The following ALOX15B variants were observed in gnomAD, a reference collection of about 807,000 sequenced individuals.
ALOX15B encodes the protein polyunsaturated fatty acid lipoxygenase ALOX15B.
In ALOX15B, 74 loss-of-function variants were observed where a neutral mutation model predicts 73.8. The observed-to-expected ratio is 1.00, with a 90% CI of 0.83 to 1.22. ALOX15B has a LOEUF of 1.22. ALOX15B is among the 50% of genes most tolerant of loss of function. The pLI, the probability that ALOX15B is intolerant of heterozygous loss-of-function variation, is 0.00. For missense variants in ALOX15B, 896 were observed against 859.9 expected (o/e 1.04, Z -0.52); for synonymous variants, 353 against 357.2 (o/e 0.99, Z 0.13).
At chr17:8,042,301 C>T in intron 3 of ALOX15B, 68 bp from the exon 4 acceptor site, 1 of 1,580,388 alleles carries the variant, frequency 6.3e-7, no homozygotes, top group Non-Finnish European at 8.6e-7. Context: ...GGGACTGCCA[C>T]TCCATCTGCC....
intron 8 of ALOX15B, among the ~76,000 whole-genome samples, chr17:8,046,397 CG>C: frequency 6.6e-6 from 1 of 152,268 alleles, no homozygotes; most frequent in African/African-American, 2.4e-5. Context: ...ATGCCAGAGC[CG>C]GAAGACACAG....
At chr17:8,045,056 C>T in intron 6 of ALOX15B, 55 bp downstream of exon 6, 1 of 1,604,628 alleles carries the variant, frequency 6.2e-7, no homozygotes, top group South Asian at 1.1e-5. Flanking sequence ...GCCTTCACAC[C>T]CGTCCCCTAC....
chr17:8,048,516 C>A lies in ALOX15B; in HGVS notation c.1982C>A (p.Pro661His). The A allele has an allele frequency of 1.2e-6, 2 of 1,614,130 alleles. No homozygotes were observed. The highest frequency in any genetic ancestry group is 1.7e-6 in the Non-Finnish European group (2 of 1,180,010). ...GAGCGGAACCAGGGCCTGGTGCTGC[C>A]CTACACCTACCTAGACCCTCCCCTC... ...IQERNQGLVLPYTYLDPPLIE... is the reference protein window; with the variant it reads ...IQERNQGLVLHYTYLDPPLIE... The change falls in exon 14 of 14, where the codon CCC (proline) becomes CAC (histidine). Residue 661 changes from proline (P) to histidine (H), a missense_variant. Physicochemically the swap from Pro to His is moderately conservative, Grantham distance 77. Coordinates refer to ENST00000380183, the MANE Select transcript of ALOX15B (RefSeq NM_001141.3).
chr17:8,046,862 G>A, intron 9 of ALOX15B, 45 bp from the exon 10 acceptor site: 2 of 1,612,062 alleles, frequency 1.2e-6, no homozygotes, highest in Non-Finnish European at 8.5e-7. Flanking sequence ...GCTACCTCCT[G>A]CTTCTGGAGC....
chr17:8,047,054 C>A lies in ALOX15B; in HGVS notation c.1435C>A (p.Gln479Lys). ...CTACTACTACCGTGATGATGGGATG[C>A]AGATCTGGGGTGCAGTGGAACGGTG... ...PGYYYRDDGM[Q>K]IWGAVERFVS... Residue 479 changes from glutamine (Q) to lysine (K), a missense_variant, in exon 10 of 14, where the codon CAG (glutamine) becomes AAG (lysine). Gln to Lys is a moderately conservative substitution (Grantham distance 53, BLOSUM62 1). Transcript: ENST00000380183. The A allele has an allele frequency of 6.2e-7, 1 of 1,613,808 alleles. No individual in the cohort carries two copies. The highest frequency in any genetic ancestry group is 8.5e-7 in the Non-Finnish European group (1 of 1,179,988).
rs1276078456 is a variant in ALOX15B at position 8,045,475 on chromosome 17, C to A, written c.997-8C>A. On this transcript the variant is annotated splice_region_variant and splice_polypyrimidine_tract_variant and intron_variant, in intron 7 of 13. Coordinates refer to ENST00000380183, the MANE Select transcript of ALOX15B (RefSeq NM_001141.3). ...TGGCTGCCTCTCTCCCCACCTGCCT[C>A]CCCCCAGCTCAGCCAGACCCCCGGC... 1.9e-6 allele frequency: 3 copies of A among 1,613,702 alleles called. No homozygotes were observed. The highest frequency in any genetic ancestry group is 2.5e-6 in the Non-Finnish European group (3 of 1,179,966).
At chr17:8,040,116 G>A (rs573802839) in intron 3 of ALOX15B, 133 bp downstream of exon 3, 7 of 808,934 alleles carry the variant, frequency 8.7e-6, no homozygotes, top group East Asian at 5.4e-5. Flanking sequence ...GATCAGCAGC[G>A]TCTACAGGAA....
Position 8,045,584 on chromosome 17 carries a change from C to T in ALOX15B, c.1098C>T (p.Ser366=), listed in dbSNP as rs1290660443. ...AKTWVRNAEF[S]FHEALTHLLH... ...CCTGGGTGCGCAATGCCGAGTTCTC[C>T]TTCCATGAGGCCCTCACGCACCTGC... The change falls in exon 8 of 14, where the codon TCC becomes TCT. Residue 366 remains serine (S), a synonymous_variant. Transcript: ENST00000380183. The T allele has an allele frequency of 6.2e-7, 1 of 1,614,084 alleles. No individual in the cohort carries two copies. The highest frequency in any genetic ancestry group is 1.3e-5 in the African/African-American group (1 of 74,928).
intron 9 of ALOX15B, 23 bp downstream of exon 9, chr17:8,046,777 A>C (rs988254526): frequency 1.9e-6 from 3 of 1,613,064 alleles, no homozygotes; most frequent in Admixed American, 1.7e-5. Context: ...TTGGGGAGGG[A>C]GTAGGCAGGC....
chr17:8,045,652 T>C lies in ALOX15B; in HGVS notation c.1166T>C (p.Leu389Pro). ...CCTGAGGTCTTCACCCTGGCTACCC[T>C]GCGTCAGCTGCCCCACTGCCACCCT... is the stretch of plus-strand genomic sequence containing the variant. ...LLPEVFTLAT[L>P]RQLPHCHPLF... Residue 389 changes from leucine (L) to proline (P), a missense_variant, in exon 8 of 14, where the codon CTG (leucine) becomes CCG (proline). Transcript: ENST00000380183. The C allele has an allele frequency of 6.2e-7, 1 of 1,614,096 alleles. No homozygotes were observed. The highest frequency in any genetic ancestry group is 8.5e-7 in the Non-Finnish European group (1 of 1,180,024).
At chr17:8,042,557 C>T in intron 4 of ALOX15B, 66 bp downstream of exon 4, 2 of 1,584,050 alleles carry the variant, frequency 1.3e-6, no homozygotes, top group Non-Finnish European at 1.7e-6. Flanking sequence ...CTTCTGCCCT[C>T]CCCTAGTCAG....
Position 8,044,843 on chromosome 17 carries a change from C to A in ALOX15B, c.691C>A (p.His231Asn), listed in dbSNP as rs1194722651. The A allele has an allele frequency of 1.2e-6, 2 of 1,602,860 alleles. No homozygotes were observed. The highest frequency in any genetic ancestry group is 1.7e-6 in the Non-Finnish European group (2 of 1,173,746). ...RTPAAEHAFEHWQEDAFFASQ... is the reference protein window; with the variant it reads ...RTPAAEHAFENWQEDAFFASQ... Reference sequence around the variant, plus strand: ...ACCCCCTGCAGAGCACGCATTTGAGCACTGGCAGGAGGACGCCTTCTTCGC... The same window carrying A: ...ACCCCCTGCAGAGCACGCATTTGAGAACTGGCAGGAGGACGCCTTCTTCGC... The change falls in exon 6 of 14, where the codon CAC becomes AAC. Residue 231 changes from histidine (H) to asparagine (N), a missense_variant. Coordinates refer to ENST00000380183, the MANE Select transcript of ALOX15B (RefSeq NM_001141.3).
rs763335709 is a variant in ALOX15B, at chr17:8,045,459, C to G, written c.997-24C>G. ...GGTTGGAAGACACTCATGGCTGCCT[C>G]TCTCCCCACCTGCCTCCCCCCAGCT... On this transcript the variant is annotated intron_variant, in intron 7 of 13. Coordinates refer to ENST00000380183, the MANE Select transcript of ALOX15B (RefSeq NM_001141.3). The G allele has an allele frequency of 2.5e-6, 4 of 1,613,906 alleles. 1 individual carries two copies. In the Admixed American group the frequency reaches 5.0e-5, roughly 20 times the overall value.
rs1434899593 is a variant in ALOX15B at position 8,045,323 on chromosome 17, C to T, written c.935C>T (p.Ala312Val). 1 of 1,614,180 alleles carries T rather than the reference C, an allele frequency of 6.2e-7. No homozygotes were observed. The highest frequency in any genetic ancestry group is 2.2e-5 in the East Asian group (1 of 44,890). The change falls in exon 7 of 14, where the codon GCC (alanine) becomes GTC (valine). Residue 312 changes from alanine (A) to valine (V), a missense_variant. Transcript: ENST00000380183. ...AATGGGAAGCCTCAGTTCTCTGCGGCCCCAATGACCCTGCTATACCAGAGC... is the reference window on the plus strand; with the variant it reads ...AATGGGAAGCCTCAGTTCTCTGCGGTCCCAATGACCCTGCTATACCAGAGC... ...VINGKPQFSA[A>V]PMTLLYQSPG...
rs1462512356 is a variant in ALOX15B at position 8,045,387 on chromosome 17, A to G, written c.996+3A>G. On this transcript the variant is annotated splice_donor_region_variant and intron_variant, in intron 7 of 13. Coordinates refer to ENST00000380183, the MANE Select transcript of ALOX15B (RefSeq NM_001141.3). ...CGCTGCTGCCTCTCGCCATCCAGGT[A>G]TGCAGTCAGGCAGGGGCAGGGCAGC... 6.2e-7 allele frequency: 1 copy of G among 1,613,964 alleles called. No individual in the cohort carries two copies. The highest frequency in any genetic ancestry group is 8.5e-7 in the Non-Finnish European group (1 of 1,180,000).
At chr17:8,046,822 G>A (rs1976622419) in intron 9 of ALOX15B, 68 bp downstream of exon 9, 1 of 1,612,008 alleles carries the variant, frequency 6.2e-7, no homozygotes, top group Non-Finnish European at 8.5e-7. Flanking sequence ...AGGTCCTGGG[G>A]TAGGAGTGGC....
chr17:8,047,494 C>T, intron 11 of ALOX15B, 70 bp from the exon 12 acceptor site: 1 of 1,571,744 alleles, frequency 6.4e-7, no homozygotes, highest in Non-Finnish European at 8.6e-7. Flanking sequence ...CCTCAAGGCT[C>T]ACCCTCAAGC....
At chr17:8,044,134 AGG>A (rs1976537152) in intron 5 of ALOX15B, among the ~76,000 whole-genome samples, 2 of 148,540 alleles carry the variant, frequency 1.3e-5, no homozygotes, top group African/African-American at 5.0e-5. Context: ...GAAGGAAGGA[AGG>A]AAGGAAGGAA....
At position 8,039,459 on chromosome 17, in the gene ALOX15B, C is replaced by A; in HGVS notation, c.221C>A (p.Pro74Gln). 1.2e-6 allele frequency: 2 copies of A among 1,606,068 alleles called. No individual in the cohort carries two copies. Among genetic ancestry groups the A allele is most frequent in the East Asian group, 2.3e-5 (1 of 44,380 alleles). ...VLLLRVHKAP[P>Q]VLPLLGPLAP... ...CTGCTGCGCGTGCACAAGGCGCCCC[C>A]AGTGCTGCCCCTGCTGGGGCCCCTG... The change falls in exon 2 of 14, where the codon CCA (proline) becomes CAA (glutamine). Residue 74 changes from proline to glutamine, a missense_variant. Pro to Gln is a moderately conservative substitution (Grantham distance 76). Coordinates refer to ENST00000380183, the MANE Select transcript of ALOX15B (RefSeq NM_001141.3).
Sources: gnomAD v4.1 joint callset for allele counts (sites outside exome capture counted in the v4.1 genomes callset) on GRCh38, gnomAD v4.1.1 for gene constraint, MANE v1.5 for transcripts, NCBI Gene and HGNC (gene_info 2026-07-23, HGNC 2026-07-21) for gene names.